The following ERC1 variants were observed in gnomAD, a reference collection of about 807,000 sequenced individuals.
ERC1 encodes ELKS/RAB6-interacting/CAST family member 1, also known as RAB6 interacting protein 2.
Under a neutral mutation model 132.0 loss-of-function variants are expected in ERC1, and 56 were observed. That is an observed-to-expected ratio of 0.42 (90% CI 0.34 to 0.53). The LOEUF is 0.53. Among genes scored for constraint, ERC1 ranks in the 20% least tolerant of loss-of-function variants. The pLI is 0.03. For missense variants in ERC1, 1,202 were observed against 1,349.9 expected (o/e 0.89, Z 1.72); for synonymous variants, 478 against 476.1 (o/e 1.00, Z -0.05).
chr12:1,262,926 C>A, intron 13 of ERC1, 108 bp from the exon 14 acceptor site: 2 of 1,110,286 alleles, frequency 1.8e-6, no homozygotes, highest in Non-Finnish European at 2.6e-6. Flanking sequence ...CCTGGATTTG[C>A]TTCTGATGGA....
At chr12:1,068,039 CTCCTGCCT>C (rs1285218792) in intron 2 of ERC1, among the ~76,000 whole-genome samples, 2 of 149,822 alleles carry the variant, frequency 1.3e-5, no homozygotes, top group African/African-American at 2.5e-5. Flanking sequence ...TCAAGTGATT[CTCCTGCCT>C]CAGCCTCCCA....
chr12:1,372,279 C>A (rs1255753188), intron 16 of ERC1, among the ~76,000 whole-genome samples: 1 of 148,146 alleles, frequency 6.8e-6, no homozygotes, highest in Non-Finnish European at 1.5e-5. Flanking sequence ...CATGAAAAGG[C>A]TTTTTTTTTT....
At chr12:1,200,620 A>G (rs1057070634) in intron 12 of ERC1, among the ~76,000 whole-genome samples, 5 of 150,838 alleles carry the variant, frequency 3.3e-5, no homozygotes, top group African/African-American at 9.8e-5. Flanking sequence ...GTGCAGTGGC[A>G]CGATCTCGGC....
At chr12:1,474,963 A>C (rs974152822) in intron 18 of ERC1, among the ~76,000 whole-genome samples, 1 of 152,110 alleles carries the variant, frequency 6.6e-6, no homozygotes, top group African/African-American at 2.4e-5. Flanking sequence ...TGCATTTGTG[A>C]TTCTTGGCTC....
chr12:1,483,929 C>T (rs1206825762), intron 18 of ERC1, among the ~76,000 whole-genome samples: 4 of 151,564 alleles, frequency 2.6e-5, no homozygotes, highest in South Asian at 2.1e-4. Context: ...CCTGACCTCA[C>T]GTGATCCACC....
intron 3 of ERC1, among the ~76,000 whole-genome samples, chr12:1,094,607 C>A (rs1480301002): frequency 6.6e-6 from 1 of 152,110 alleles, no homozygotes; most frequent in East Asian, 1.9e-4. Flanking sequence ...AATGGGGTTT[C>A]ACTGTATTGG....
chr12:1,335,739 AGAATTAGTTGGGGAGGAGTCC>A (rs1370871331), intron 15 of ERC1, among the ~76,000 whole-genome samples: 1 of 152,312 alleles, frequency 6.6e-6, no homozygotes, highest in Non-Finnish European at 1.5e-5. Flanking sequence ...CCGACCTCGT[AGAATTAGTTGGGGAGGAGTCC>A]CTCCTCCTCA....
chr12:1,011,788 A>C (rs1964720164), intron 1 of ERC1, among the ~76,000 whole-genome samples: 1 of 152,066 alleles, frequency 6.6e-6, no homozygotes, highest in African/African-American at 2.4e-5. Context: ...CTCCCCTAAA[A>C]ATGCAAAAAT....
intron 17 of ERC1, among the ~76,000 whole-genome samples, chr12:1,408,597 A>T (rs1366546669): frequency 1.3e-5 from 2 of 152,246 alleles, no homozygotes; most frequent in Non-Finnish European, 2.9e-5. Flanking sequence ...ATAGTGCCTT[A>T]TTAGAAAAAC....
At chr12:1,412,650 A>C (rs2091910518) in intron 17 of ERC1, among the ~76,000 whole-genome samples, 2 of 152,174 alleles carry the variant, frequency 1.3e-5, no homozygotes, top group South Asian at 4.1e-4. Flanking sequence ...ACAGCTTTGA[A>C]TCTAGACCTC....
intron 7 of ERC1, among the ~76,000 whole-genome samples, chr12:1,129,244 A>C (rs1948509040): frequency 1.3e-5 from 2 of 152,160 alleles, no homozygotes; most frequent in African/African-American, 4.8e-5. Context: ...AGGTCAAGGT[A>C]GGAGGATCAC....
chr12:1,445,984 T>C (rs765700128), intron 18 of ERC1, among the ~76,000 whole-genome samples: 12 of 152,200 alleles, frequency 7.9e-5, no homozygotes, highest in Admixed American at 7.2e-4. Flanking sequence ...TCTGGTTCCT[T>C]GTGTCCTGTC....
intron 14 of ERC1, among the ~76,000 whole-genome samples, chr12:1,274,719 C>T (rs1334340652): frequency 1.3e-5 from 2 of 152,094 alleles, no homozygotes; most frequent in Admixed American, 1.3e-4. Context: ...TCTCGAACTT[C>T]TGAACTTGTG....
chr12:1,162,717 A>C (rs1045588827), intron 8 of ERC1, among the ~76,000 whole-genome samples: 17 of 152,110 alleles, frequency 1.1e-4, no homozygotes, highest in African/African-American at 3.6e-4. Context: ...AAAATATTTT[A>C]TTTTTAAAAT....
intron 13 of ERC1, among the ~76,000 whole-genome samples, chr12:1,241,882 A>T (rs1218658156): frequency 1.5e-4 from 12 of 81,076 alleles, no homozygotes; most frequent in African/African-American, 4.8e-4. Flanking sequence ...TTTGTGATGG[A>T]GTCTCTTGCC....
intron 14 of ERC1, among the ~76,000 whole-genome samples, chr12:1,266,852 C>T (rs539821763): frequency 1.3e-5 from 2 of 152,186 alleles, no homozygotes; most frequent in East Asian, 3.9e-4. Flanking sequence ...TCAAAAGTTA[C>T]CTGTTTCTCA....
chr12:1,195,875 G>GCC lies in ERC1; in HGVS notation c.2351+5834_2351+5835dup, dbSNP rs5795962. The stretch of plus-strand genomic sequence containing the variant: ...TGGATATAATTATGTACTTATTTCC[G>GCC]CCCCCCCCCCCCTTTTTTTGTAATG... On this transcript the variant is annotated intron_variant, in intron 12 of 18. Coordinates refer to ENST00000360905, the MANE Select transcript of ERC1 (RefSeq NM_178040.4). 9.3e-3 allele frequency among the ~76,000 whole-genome samples: 908 copies of GCC among 97,552 alleles called. 36 individuals carry two copies. Among genetic ancestry groups the GCC allele is most frequent in the Admixed American group, 0.019 (161 of 8,378 alleles). 64.0% of individuals were successfully genotyped at this position (97,552 alleles called of 152,430 possible). A position where few individuals can be genotyped will look rare whatever the true frequency, so the allele number is the denominator to read the frequency against.
chr12:1,243,890 A>G (rs889744349), intron 13 of ERC1, among the ~76,000 whole-genome samples: 33 of 152,204 alleles, frequency 2.2e-4, no homozygotes, highest in Admixed American at 1.6e-3. Context: ...GTTTTCATGA[A>G]TAGCTTTGGA....
intron 12 of ERC1, among the ~76,000 whole-genome samples, chr12:1,200,837 C>T (rs898915502): frequency 6.6e-6 from 1 of 152,184 alleles, no homozygotes; most frequent in African/African-American, 2.4e-5. Context: ...GGATTTCAGG[C>T]GTGAGCCACT....
Sources: allele counts gnomAD v4.1 joint callset (sites outside exome capture counted in the v4.1 genomes callset), GRCh38; gene constraint gnomAD v4.1.1; transcripts MANE v1.5; gene names NCBI Gene and HGNC (gene_info 2026-07-23, HGNC 2026-07-21).